Variants in EYS observed in about 807,000 individuals in gnomAD.
EYS encodes the protein protein eyes shut homolog.
EYS carries 250 observed loss-of-function variants against 282.1 expected under a neutral mutation model. That is an observed-to-expected ratio of 0.89 (90% CI 0.80 to 0.98). The LOEUF is 0.98. Among genes scored for constraint, EYS ranks in the 50% least tolerant of loss-of-function variants. The pLI, the probability that EYS is intolerant of heterozygous loss-of-function variation, is 0.00. For missense variants in EYS, 4,016 were observed against 3,709.0 expected (o/e 1.08, Z -2.15); for synonymous variants, 1,355 against 1,282.9 (o/e 1.06, Z -1.20).
At chr6:65,157,742 T>C (rs1764760881) in intron 12 of EYS, among the ~76,000 whole-genome samples, 1 of 150,802 alleles carries the variant, frequency 6.6e-6, no homozygotes, top group Non-Finnish European at 1.5e-5. Flanking sequence ...AATTCCTTTT[T>C]GTTTCTATTA....
chr6:65,167,574 A>G (rs1410985333), intron 12 of EYS, among the ~76,000 whole-genome samples: 4 of 151,262 alleles, frequency 2.6e-5, no homozygotes, highest in Admixed American at 6.6e-5. Context: ...ATGGATACAC[A>G]GATATATAGA....
chr6:64,723,129 T>C (rs756916732), intron 22 of EYS, among the ~76,000 whole-genome samples: 4 of 151,172 alleles, frequency 2.6e-5, no homozygotes, highest in African/African-American at 9.7e-5. Flanking sequence ...ACAGTGAGCA[T>C]GGGCAGAGTG....
At chr6:64,973,018 A>G (rs530369011) in intron 14 of EYS, among the ~76,000 whole-genome samples, 2 of 152,188 alleles carry the variant, frequency 1.3e-5, no homozygotes, top group South Asian at 2.1e-4. Context: ...TATCTCCACT[A>G]TATCAGGTAT....
chr6:64,894,810 A>G (rs1215352141), intron 18 of EYS, among the ~76,000 whole-genome samples: 1 of 152,198 alleles, frequency 6.6e-6, no homozygotes, highest in Non-Finnish European at 1.5e-5. Flanking sequence ...CTGATCCACC[A>G]GTAGAAATAT....
In EYS at chr6:64,931,067, A is replaced by T. The variant is rs539496211; in HGVS notation, c.2381+14726T>A. Among the ~76,000 whole-genome samples, 5 of 152,270 alleles carry T rather than the reference A, an allele frequency of 3.3e-5. No homozygotes were observed. In the South Asian group the frequency reaches 1.0e-3, roughly 32 times the overall value. ...TTTTTAATGTCTTGAAACTGTGTAA[A>T]CACTAAACTATGTTAACTCCAGTTG... On this transcript the variant is annotated intron_variant, in intron 15 of 42. Transcript: ENST00000503581.
rs1022049846 is a variant in EYS, at chr6:64,192,247, A to C, written c.6424+38345T>G. 1.1e-3 allele frequency among the ~76,000 whole-genome samples: 160 copies of C among 151,636 alleles called. 1 individual carries two copies. Among genetic ancestry groups the C allele is most frequent in the Non-Finnish European group, 1.6e-3 (110 of 67,910 alleles). On this transcript the variant is annotated intron_variant, in intron 31 of 42. Coordinates refer to ENST00000503581, the MANE Select transcript of EYS (RefSeq NM_001142800.2). ...GATATTAGCCCTTTGTCAGATGAGT[A>C]GGTTGCGAAAATTTTCTCCCATTTT... is the stretch of plus-strand genomic sequence containing the variant.
At chr6:65,183,814 G>T (rs1417021026) in intron 12 of EYS, among the ~76,000 whole-genome samples, 1 of 151,828 alleles carries the variant, frequency 6.6e-6, no homozygotes, top group African/African-American at 2.4e-5. Context: ...GAAAAAAAGT[G>T]TAGTTGGTAT....
At chr6:65,588,271 T>A (rs146919435) in intron 2 of EYS, among the ~76,000 whole-genome samples, 1 of 151,750 alleles carries the variant, frequency 6.6e-6, no homozygotes, top group African/African-American at 2.4e-5. Context: ...TTTTACTGAT[T>A]TTTTTCTCCC....
intron 16 of EYS, among the ~76,000 whole-genome samples, chr6:64,908,695 G>A (rs954871510): frequency 4.6e-5 from 7 of 152,066 alleles, no homozygotes; most frequent in Non-Finnish European, 7.4e-5. Context: ...GTCTCTTCCC[G>A]AAAGTCAGGC....
intron 37 of EYS, among the ~76,000 whole-genome samples, chr6:63,793,891 T>A (rs1271053499): frequency 3.3e-5 from 5 of 152,198 alleles, no homozygotes; most frequent in Admixed American, 6.5e-5. Context: ...AGATGAGACC[T>A]GAAACCTGTC....
At chr6:64,662,939 C>G (rs1310216918) in intron 22 of EYS, among the ~76,000 whole-genome samples, 1 of 152,128 alleles carries the variant, frequency 6.6e-6, no homozygotes, top group Non-Finnish European at 1.5e-5. Context: ...TGAAAGGAAC[C>G]TAGACTGTTT....
chr6:63,927,433 C>T (rs1764748050), intron 35 of EYS, among the ~76,000 whole-genome samples: 1 of 152,122 alleles, frequency 6.6e-6, no homozygotes. Context: ...ATTACTTTGC[C>T]TTATGGAAGC....
At chr6:64,545,803 C>G (rs1466336048) in intron 26 of EYS, among the ~76,000 whole-genome samples, 1 of 152,088 alleles carries the variant, frequency 6.6e-6, no homozygotes, top group Admixed American at 6.6e-5. Context: ...ACCTGGGAAT[C>G]CAACTTACAA....
At chr6:64,647,998 C>G (rs2149876048) in intron 22 of EYS, among the ~76,000 whole-genome samples, 1 of 152,208 alleles carries the variant, frequency 6.6e-6, no homozygotes, top group South Asian at 2.1e-4. Context: ...TGCCAATCGC[C>G]CTGTGAATTA....
At chr6:64,328,512 CT>C (rs1278045641) in intron 29 of EYS, among the ~76,000 whole-genome samples, 1 of 152,194 alleles carries the variant, frequency 6.6e-6, no homozygotes, top group Non-Finnish European at 1.5e-5. Flanking sequence ...TTATGAGAGG[CT>C]GTGCGAGGCT....
intron 22 of EYS, among the ~76,000 whole-genome samples, chr6:64,693,421 G>A (rs1770469133): frequency 1.3e-5 from 2 of 152,062 alleles, no homozygotes; most frequent in African/African-American, 4.8e-5. Flanking sequence ...ATGAAAATGA[G>A]CTATTGTGAT....
intron 19 of EYS, among the ~76,000 whole-genome samples, chr6:64,853,515 A>G (rs1001521306): frequency 6.6e-6 from 1 of 152,108 alleles, no homozygotes; most frequent in African/African-American, 2.4e-5. Flanking sequence ...GCAAGTACAA[A>G]CTTTAATAAT....
chr6:65,444,236 T>G (rs1013856980), intron 5 of EYS, among the ~76,000 whole-genome samples: 3 of 152,078 alleles, frequency 2.0e-5, no homozygotes, highest in African/African-American at 7.2e-5. Context: ...CAGGCACTAT[T>G]TTTTAAAAGC....
chr6:65,116,553 T>G (rs2150192774), intron 12 of EYS, among the ~76,000 whole-genome samples: 1 of 152,254 alleles, frequency 6.6e-6, no homozygotes, highest in East Asian at 1.9e-4. Context: ...AGCAAGATGC[T>G]GGCTATTGAA....
Sources: gnomAD v4.1 joint callset for allele counts (sites outside exome capture counted in the v4.1 genomes callset) on GRCh38, gnomAD v4.1.1 for gene constraint, MANE v1.5 for transcripts, NCBI Gene and HGNC (gene_info 2026-07-23, HGNC 2026-07-21) for gene names.